Variants in NOP2 observed in about 807,000 individuals in gnomAD.
The protein encoded by NOP2 is 28S rRNA (cytosine(4447)-C(5))-methyltransferase.
In NOP2, 7 loss-of-function variants were observed where a neutral mutation model predicts 72.7. The observed-to-expected ratio is 0.10, with a 90% CI of 0.05 to 0.18. The LOEUF is 0.18. NOP2 is among the 10% of genes least tolerant of loss of function. The probability of loss-of-function intolerance (pLI) is 1.00; values close to 1 mark genes in which losing one functional copy is unlikely to be tolerated. For missense variants in NOP2, 954 were observed against 1,014.7 expected (o/e 0.94, Z 0.81); for synonymous variants, 387 against 388.0 (o/e 1.00, Z 0.03).
chr12:6,557,696 T>A, intron 15 of NOP2, 54 bp from the exon 16 acceptor site: 1 of 1,499,490 alleles, frequency 6.7e-7, no homozygotes, highest in Non-Finnish European at 8.9e-7. Context: ...TCACCATATT[T>A]TAATATTCTC....
In NOP2 at chr12:6,556,913, G is replaced by A. The variant is rs1947489325; in HGVS notation, c.*80C>T. On this transcript the variant is annotated 3_prime_UTR_variant, in exon 16 of 16. Transcript: ENST00000322166. ...GTATTAAATTTCATGGGTATGCACA[G>A]TAGAGAAGGCATCCTCACAGAGGCA... The A allele has an allele frequency of 6.6e-7, 1 of 1,514,426 alleles. No individual in the cohort carries two copies. Among genetic ancestry groups the A allele is most frequent in the African/African-American group, 1.4e-5 (1 of 71,750 alleles). The allele number at this position is 1,514,426 out of a possible 1,614,324, so 93.8% of individuals were successfully genotyped here.
chr12:6,557,503 C>T lies in NOP2; in HGVS notation c.1929G>A (p.Lys643=), dbSNP rs373339535. Residue 643 remains lysine, a synonymous_variant, in exon 16 of 16, where the codon AAG becomes AAA. Coordinates refer to ENST00000322166, the MANE Select transcript of NOP2 (RefSeq NM_001258308.2). ...KQQLQKQQHP[K]KASFQKLNGI... is the part of the protein sequence containing the mutation. Reference sequence around the variant, plus strand: ...CATTCAGCTTCTGGAAGGAGGCCTTCTTGGGATGTTGCTGTTTCTGCAGCT... The same window carrying T: ...CATTCAGCTTCTGGAAGGAGGCCTTTTTGGGATGTTGCTGTTTCTGCAGCT... 1.2e-6 allele frequency: 2 copies of T among 1,613,896 alleles called. No individual in the cohort carries two copies. Among genetic ancestry groups the T allele is most frequent in the South Asian group, 1.1e-5 (1 of 91,080 alleles).
intron 1 of NOP2, 121 bp downstream of exon 1, chr12:6,568,086 T>TC (rs1242061390): frequency 1.5e-5 from 9 of 606,996 alleles, no homozygotes; most frequent in Non-Finnish European, 2.6e-5. Flanking sequence ...ACCCCCGCTA[T>TC]CCCCCTGGAG....
intron 15 of NOP2, among the ~76,000 whole-genome samples, chr12:6,559,026 C>T (rs562256054): frequency 4.6e-5 from 7 of 152,214 alleles, no homozygotes; most frequent in East Asian, 3.9e-4. Context: ...AGCGTGATCT[C>T]GGCTTACTGC....
rs369429451 is a variant in NOP2, at chr12:6,561,117, C to G, written c.1208-47G>C. 86 of 1,603,080 alleles carry G rather than the reference C, an allele frequency of 5.4e-5. 1 individual carries two copies. In the African/African-American group the frequency reaches 8.8e-4, roughly 16 times the overall value. On this transcript the variant is annotated intron_variant, in intron 11 of 15. Coordinates refer to ENST00000322166, the MANE Select transcript of NOP2 (RefSeq NM_001258308.2). ...TGCTGATCAGCCAGTTCCACTGTCT[C>G]CACACTTGCTCCCACCCTCCTGTCC... is the stretch of plus-strand genomic sequence containing the variant.
In NOP2 at chr12:6,560,193, G is replaced by C. The variant is rs142370738; in HGVS notation, c.1694C>G (p.Ser565Cys). ...GGTATGAGGGTAGAAGCGTCGGGTA[G>C]AACGCAGACTGGGGTGGAAGCGCCT... is the stretch of plus-strand genomic sequence containing the variant. ...RERRFHPSLRSTRRFYPHTHN... is the reference protein window; with the variant it reads ...RERRFHPSLRCTRRFYPHTHN... The change falls in exon 15 of 16, where the codon TCT (serine) becomes TGT (cysteine). Residue 565 changes from serine (S) to cysteine (C), a missense_variant. Ser to Cys is a moderately radical substitution (Grantham distance 112). This residue lies in a region of NOP2 where 187 missense variants were observed against 276.2 expected (regional missense o/e 0.68). Coordinates refer to ENST00000322166, the MANE Select transcript of NOP2 (RefSeq NM_001258308.2). The surrounding 1 kb of genome is among the most constrained non-coding windows in gnomAD (Gnocchi z 5.0). 430 of 1,614,050 alleles carry C rather than the reference G, an allele frequency of 2.7e-4. 1 individual carries two copies. The East Asian group carries it at 4.6e-3, about 17-fold the overall frequency.
chr12:6,560,039 G>T lies in NOP2; in HGVS notation c.1789+59C>A. On this transcript the variant is annotated intron_variant, in intron 15 of 15. Transcript: ENST00000322166. This position sits in a 1 kb window ranked among gnomAD's most constrained non-coding sequence, Gnocchi z 5.0. ...TCCCTTCCTCTTGTCACACCATAAA[G>T]CCTCCTGAAAGGTGGAAAGAGCAAA... 8.0e-7 allele frequency: 1 copy of T among 1,249,846 alleles called. No individual in the cohort carries two copies. Among genetic ancestry groups the T allele is most frequent in the Non-Finnish European group, 1.2e-6 (1 of 855,494 alleles). The allele number at this position is 1,249,846 out of a possible 1,614,324, so 77.4% of individuals were successfully genotyped here.
rs1041697268 is a variant in NOP2 at position 6,561,562 on chromosome 12, A to G, written c.1207+102T>C. 40 of 1,470,710 alleles carry G rather than the reference A, an allele frequency of 2.7e-5. No individual in the cohort carries two copies. In the East Asian group the frequency reaches 6.2e-4, roughly 23 times the overall value. The allele number at this position is 1,470,710 out of a possible 1,614,324, so 91.1% of individuals were successfully genotyped here. Reference sequence around the variant, plus strand: ...TCACCACCCTGCTAGCTACCTGCACATTGTGTTCCATGAGCACTAGTGAGT... The same window carrying G: ...TCACCACCCTGCTAGCTACCTGCACGTTGTGTTCCATGAGCACTAGTGAGT... On this transcript the variant is annotated intron_variant, in intron 11 of 15. Coordinates refer to ENST00000322166, the MANE Select transcript of NOP2 (RefSeq NM_001258308.2).
At chr12:6,563,868 T>A (rs779772167) in intron 6 of NOP2, 23 bp downstream of exon 6, 86 of 1,613,636 alleles carry the variant, frequency 5.3e-5, no homozygotes, top group Non-Finnish European at 4.6e-5. Flanking sequence ...CTATGCTCCA[T>A]CCCAATAGCT....
chr12:6,566,483 C>A, intron 4 of NOP2, 46 bp downstream of exon 4: 1 of 1,580,338 alleles, frequency 6.3e-7, no homozygotes, highest in Non-Finnish European at 8.7e-7. Context: ...CTACCCAGGA[C>A]CCAAAGGGAC....
intron 15 of NOP2, chr12:6,557,962 G>A (rs929707095): frequency 2.8e-6 from 1 of 362,858 alleles, no homozygotes; most frequent in Admixed American, 4.4e-5. Context: ...AGCCCACATG[G>A]TGAAACCATC....
chr12:6,566,479 A>G, intron 4 of NOP2, 50 bp downstream of exon 4: 1 of 1,575,146 alleles, frequency 6.3e-7, no homozygotes, highest in Non-Finnish European at 8.7e-7. Context: ...TTCCCTACCC[A>G]GGACCCAAAG....
chr12:6,562,778 A>C (rs1416197175), intron 9 of NOP2, among the ~76,000 whole-genome samples: 1 of 152,178 alleles, frequency 6.6e-6, no homozygotes, highest in African/African-American at 2.4e-5. Context: ...TTTTTTGTGC[A>C]GTCAGGAATC....
chr12:6,565,132 T>C (rs1947745434), intron 5 of NOP2, among the ~76,000 whole-genome samples: 1 of 151,914 alleles, frequency 6.6e-6, no homozygotes, highest in Non-Finnish European at 1.5e-5. Flanking sequence ...AATAGGGAAT[T>C]ACTATGTCAA....
chr12:6,568,105 G>A, intron 1 of NOP2, 102 bp downstream of exon 1: 1 of 594,528 alleles, frequency 1.7e-6, no homozygotes, highest in Non-Finnish European at 3.0e-6. Flanking sequence ...AGGCCCGACC[G>A]AACGCCCTCC....
chr12:6,562,041 T>A, intron 9 of NOP2, 70 bp from the exon 10 acceptor site: 1 of 1,179,300 alleles, frequency 8.5e-7, no homozygotes, highest in Non-Finnish European at 1.2e-6. Context: ...CAGGCTAGAG[T>A]GAGGTGGCGC....
chr12:6,562,989 C>A (rs1947687101), intron 9 of NOP2, 92 bp downstream of exon 9: 1 of 1,268,006 alleles, frequency 7.9e-7, no homozygotes, highest in Non-Finnish European at 1.1e-6. Context: ...GTCCTAAGGC[C>A]CCACCCAGTC....
intron 11 of NOP2, among the ~76,000 whole-genome samples, chr12:6,561,434 A>C (rs772880338): frequency 2.6e-5 from 4 of 152,250 alleles, no homozygotes; most frequent in Admixed American, 1.3e-4. Flanking sequence ...GGGCCAACCC[A>C]AGCACAATTA....
At chr12:6,567,973 C>A in intron 1 of NOP2, 51 bp from the exon 2 acceptor site, 1 of 1,408,062 alleles carries the variant, frequency 7.1e-7, no homozygotes, top group Non-Finnish European at 1.0e-6. Flanking sequence ...TCGGAGGGAA[C>A]GGCAGAACGC....
Sources: gnomAD v4.1 joint callset for allele counts (sites outside exome capture counted in the v4.1 genomes callset) on GRCh38, gnomAD v4.1.1 for gene constraint, gnomAD v4.1.1 regional missense constraint, Gnocchi (gnomAD v3.1) non-coding constraint, MANE v1.5 for transcripts, NCBI Gene and HGNC (gene_info 2026-07-23, HGNC 2026-07-21) for gene names.